Variants in RABGAP1L observed in about 807,000 individuals in gnomAD.
RABGAP1L encodes RAB GTPase activating protein 1 like, also known as rab GTPase-activating protein 1-like.
RABGAP1L carries 63 observed loss-of-function variants against 137.7 expected under a neutral mutation model. The observed-to-expected ratio is 0.46, with a 90% confidence interval of 0.37 to 0.56. RABGAP1L has a LOEUF of 0.56. Among genes scored for constraint, RABGAP1L ranks in the 20% least tolerant of loss-of-function variants. RABGAP1L has a pLI of 0.00. For synonymous variants in RABGAP1L, 431 were observed against 433.7 expected (o/e 0.99, Z 0.08); for missense variants, 1,095 against 1,244.0 (o/e 0.88, Z 1.80).
chr1:174,618,294 A>C (rs1191879569), intron 13 of RABGAP1L, among the ~76,000 whole-genome samples: 1 of 152,124 alleles, frequency 6.6e-6, no homozygotes, highest in African/African-American at 2.4e-5. Context: ...GAAGAGAGTA[A>C]TGGTTCTCCC....
intron 3 of RABGAP1L, among the ~76,000 whole-genome samples, chr1:174,225,358 G>A (rs948532595): frequency 2.6e-5 from 4 of 151,878 alleles, no homozygotes; most frequent in Non-Finnish European, 5.9e-5. Flanking sequence ...GACATCTTGG[G>A]ATTGGTCTGT....
chr1:174,571,236 G>A (rs1667958769), intron 13 of RABGAP1L, among the ~76,000 whole-genome samples: 1 of 152,058 alleles, frequency 6.6e-6, no homozygotes, highest in African/African-American at 2.4e-5. Flanking sequence ...TGAACTCATA[G>A]AGAGAGAATA....
intron 11 of RABGAP1L, among the ~76,000 whole-genome samples, chr1:174,363,011 C>T (rs1178438490): frequency 6.7e-6 from 1 of 148,240 alleles, no homozygotes; most frequent in Non-Finnish European, 1.5e-5. Flanking sequence ...ATATGGCTAG[C>T]CAGTTATCCC....
rs190808920 is a variant in RABGAP1L at position 174,860,608 on chromosome 1, C to G, written c.2340+48648C>G. ...ACATTTGAAATTCCACAGTAATTTTCCCTTCGGTTATTTGCCTATTTCCTT... is the reference window on the plus strand; with the variant it reads ...ACATTTGAAATTCCACAGTAATTTTGCCTTCGGTTATTTGCCTATTTCCTT... On this transcript the variant is annotated intron_variant, in intron 19 of 25. Coordinates refer to ENST00000681986, the MANE Select transcript of RABGAP1L (RefSeq NM_001366446.1). 3.7e-3 allele frequency among the ~76,000 whole-genome samples: 569 copies of G among 152,210 alleles called. 3 individuals carry two copies. The highest frequency in any genetic ancestry group is 0.013 in the African/African-American group (544 of 41,534).
At chr1:174,225,297 C>A (rs1225989402) in intron 3 of RABGAP1L, among the ~76,000 whole-genome samples, 1 of 151,648 alleles carries the variant, frequency 6.6e-6, no homozygotes, top group Non-Finnish European at 1.5e-5. Context: ...TATTTTTATT[C>A]ATTACAGGTG....
chr1:174,281,539 T>A (rs1215454856), intron 10 of RABGAP1L, among the ~76,000 whole-genome samples: 1 of 152,216 alleles, frequency 6.6e-6, no homozygotes, highest in Non-Finnish European at 1.5e-5. Flanking sequence ...CCCAGCCGGA[T>A]TCGCCTCTCA....
At chr1:174,215,518 A>G (rs1390725522) in intron 1 of RABGAP1L, among the ~76,000 whole-genome samples, 4 of 152,176 alleles carry the variant, frequency 2.6e-5, no homozygotes, top group South Asian at 2.1e-4. Context: ...ATAGATTTGA[A>G]TAGACATTTC....
In RABGAP1L at chr1:174,267,897, A is replaced by T. The variant is rs538013120; in HGVS notation, c.987-4517A>T. ...TTCCTTTTGAAAAATATCATTTTAT[A>T]TGCAGTTTTGCTTATATGGTTATTT... is the stretch of plus-strand genomic sequence containing the variant. On this transcript the variant is annotated intron_variant, in intron 7 of 25. Coordinates refer to ENST00000681986, the MANE Select transcript of RABGAP1L (RefSeq NM_001366446.1). Among the ~76,000 whole-genome samples the T allele has an allele frequency of 9.0e-4, 137 of 152,328 alleles. 1 individual carries two copies. The highest frequency in any genetic ancestry group is 1.4e-3 in the Non-Finnish European group (94 of 68,026).
intron 13 of RABGAP1L, among the ~76,000 whole-genome samples, chr1:174,457,453 A>ATG (rs1331478827): frequency 6.7e-6 from 1 of 149,588 alleles, no homozygotes; most frequent in Non-Finnish European, 1.5e-5. Flanking sequence ...CACATAGGAC[A>ATG]TGTTCTACCA....
At chr1:174,353,090 A>T (rs1683334490) in intron 11 of RABGAP1L, among the ~76,000 whole-genome samples, 1 of 151,972 alleles carries the variant, frequency 6.6e-6, no homozygotes, top group Non-Finnish European at 1.5e-5. Flanking sequence ...GCTACTGCTG[A>T]TGTTTATTTT....
chr1:174,327,990 T>TATATATATAC (rs1680649138), intron 11 of RABGAP1L, among the ~76,000 whole-genome samples: 1 of 36,372 alleles, frequency 2.7e-5, no homozygotes, highest in Non-Finnish European at 6.1e-5. Context: ...CACACACATA[T>TATATATATAC]ATATATATAT....
chr1:174,345,422 G>A (rs1461972885), intron 11 of RABGAP1L, among the ~76,000 whole-genome samples: 2 of 152,060 alleles, frequency 1.3e-5, no homozygotes, highest in Admixed American at 6.5e-5. Context: ...GTGCGTGAAC[G>A]TGGAATATCT....
At chr1:174,989,281 A>G (rs1328083411) in intron 25 of RABGAP1L, among the ~76,000 whole-genome samples, 3 of 152,162 alleles carry the variant, frequency 2.0e-5, no homozygotes, top group East Asian at 1.9e-4. Context: ...CTCTTTCCCC[A>G]TTATCTTTCT....
At chr1:174,361,879 C>G (rs1024462169) in intron 11 of RABGAP1L, among the ~76,000 whole-genome samples, 10 of 152,284 alleles carry the variant, frequency 6.6e-5, no homozygotes, top group South Asian at 2.1e-4. Context: ...ATTTAATCAT[C>G]CAGGTATTAA....
At chr1:174,758,796 C>T (rs1684981605) in intron 18 of RABGAP1L, among the ~76,000 whole-genome samples, 1 of 152,084 alleles carries the variant, frequency 6.6e-6, no homozygotes, top group African/African-American at 2.4e-5. Flanking sequence ...TTCACAGGCA[C>T]ATCAAAAGTC....
intron 19 of RABGAP1L, among the ~76,000 whole-genome samples, chr1:174,944,092 G>A (rs946714644): frequency 6.6e-6 from 1 of 151,880 alleles, no homozygotes; most frequent in Non-Finnish European, 1.5e-5. Context: ...CCAACATGGC[G>A]AAACCCTGTC....
chr1:174,947,186 C>T (rs75681856), intron 19 of RABGAP1L, among the ~76,000 whole-genome samples: 13,651 of 148,202 alleles, frequency 0.092, 839 homozygotes, highest in East Asian at 0.22. Context: ...AGAAAGTTTT[C>T]AAATGCAAGC....
chr1:174,734,073 C>A lies in RABGAP1L; in HGVS notation c.2170-18240C>A, dbSNP rs577930247. 5.3e-5 allele frequency among the ~76,000 whole-genome samples: 8 copies of A among 152,202 alleles called. No individual in the cohort carries two copies. The East Asian group carries it at 5.8e-4, about 11-fold the overall frequency. ...TTATGCAACTAGAGGAATGCACTTA[C>A]CATTGAAGAAGAGATTGGAGGAAGA... is the stretch of plus-strand genomic sequence containing the variant. On this transcript the variant is annotated intron_variant, in intron 17 of 25. Transcript: ENST00000681986.
intron 1 of RABGAP1L, among the ~76,000 whole-genome samples, chr1:174,168,264 CAAAAAAAAAAA>C (rs3056992): frequency 7.7e-5 from 5 of 64,718 alleles, no homozygotes; most frequent in African/African-American, 2.3e-4. Flanking sequence ...GACTCGGTCT[CAAAAAAAAAAA>C]AAAAAAAAAA....
Sources: gnomAD v4.1 joint callset for allele counts (sites outside exome capture counted in the v4.1 genomes callset) on GRCh38, gnomAD v4.1.1 for gene constraint, MANE v1.5 for transcripts, NCBI Gene and HGNC (gene_info 2026-07-23, HGNC 2026-07-21) for gene names.